The following ZIM2 variants were observed in gnomAD, a reference collection of about 807,000 sequenced individuals.
ZIM2 encodes zinc finger imprinted 2.
ZIM2 carries 14 observed loss-of-function variants against 38.6 expected under a neutral mutation model. The observed-to-expected ratio is 0.36, with a 90% confidence interval of 0.24 to 0.57. The LOEUF (loss-of-function observed/expected upper bound fraction) is 0.57, where lower values mean the gene tolerates loss of function less well. ZIM2 is among the 20% of genes least tolerant of loss of function. The pLI is 0.81. For missense variants in ZIM2, 680 were observed against 695.1 expected, an observed-to-expected ratio of 0.98 and a Z score of 0.24; for synonymous variants, 247 against 245.8, an observed-to-expected ratio of 1.00 and a Z score of -0.04.
rs756709180 is a variant in ZIM2, at chr19:56,815,806, T to C, written c.490+1940A>G. 3.1e-6 allele frequency: 5 copies of C among 1,613,634 alleles called. No homozygotes were observed. In the South Asian group the frequency reaches 5.5e-5, roughly 18 times the overall value. The stretch of plus-strand genomic sequence containing the variant: ...CTTACTGCCCCCTTCACAAGGGTTC[T>C]CTCTGGCAGGAATCTTCTGTCGCTT... On this transcript the variant is annotated intron_variant, in intron 9 of 12. Coordinates refer to ENST00000629319, the MANE Select transcript of ZIM2 (RefSeq NM_001387356.1).
chr19:56,839,421 G>C (rs1340301478), intron 1 of ZIM2, among the ~76,000 whole-genome samples: 1 of 151,382 alleles, frequency 6.6e-6, no homozygotes, highest in African/African-American at 2.4e-5. Context: ...CGTCCAAGCG[G>C]GCAGGGCCTG....
intron 7 of ZIM2, among the ~76,000 whole-genome samples, chr19:56,820,539 G>C (rs1018473358): frequency 1.3e-5 from 2 of 152,282 alleles, no homozygotes; most frequent in Admixed American, 6.5e-5. Context: ...CCTTGGTTTG[G>C]TTCCCATCCC....
At chr19:56,782,151 T>G in intron 10 of ZIM2, 30 bp from the exon 11 acceptor site, 1 of 1,607,598 alleles carries the variant, frequency 6.2e-7, no homozygotes, top group Non-Finnish European at 8.5e-7. Context: ...AGGGACGTGA[T>G]TAGAGAGGAC....
intron 7 of ZIM2, among the ~76,000 whole-genome samples, chr19:56,819,174 G>A (rs892650015): frequency 1.3e-5 from 2 of 152,070 alleles, no homozygotes; most frequent in African/African-American, 4.8e-5. Flanking sequence ...AAACAGGCAC[G>A]GAGTACTCAG....
intron 9 of ZIM2, chr19:56,810,781 T>A (rs2048091705): frequency 1.0e-6 from 1 of 978,900 alleles, no homozygotes; most frequent in African/African-American, 1.8e-5. Flanking sequence ...AGGAAACAGA[T>A]CAAGATGTTA....
At chr19:56,822,904 C>A in intron 5 of ZIM2, 68 bp from the exon 6 acceptor site, 3 of 1,557,562 alleles carry the variant, frequency 1.9e-6, no homozygotes, top group Non-Finnish European at 2.6e-6. Flanking sequence ...TGCATGTGCA[C>A]AAACACCCCT....
At chr19:56,803,218 G>A (rs912440015) in intron 9 of ZIM2, among the ~76,000 whole-genome samples, 4 of 152,164 alleles carry the variant, frequency 2.6e-5, no homozygotes, top group Non-Finnish European at 5.9e-5. Flanking sequence ...TAACTTTGAA[G>A]GTGTGTAACA....
chr19:56,811,383 ACTTTCGTGTCCTG>A (rs1375693687), intron 9 of ZIM2: 172 of 872,098 alleles, frequency 2.0e-4, no homozygotes, highest in Non-Finnish European at 2.3e-4. Context: ...GTATAAATAT[ACTTTCGTGTCCTG>A]CTTTCTCCAC....
In ZIM2 at chr19:56,775,508, A is replaced by G; in HGVS notation, c.857T>C (p.Leu286Ser). ...CTCTTGGTTGCCCTGGTGTGGTTCC[A>G]ATGGATCATCATGAGACTCTCCTGC... Reference protein sequence around the residue: ...ICQGESHDDPLEPHQGNQEKL... With the variant: ...ICQGESHDDPSEPHQGNQEKL... Residue 286 changes from leucine to serine, a missense_variant, in exon 13 of 13, where the codon TTG (leucine) becomes TCG (serine). Transcript: ENST00000629319. 1 of 1,612,448 alleles carries G rather than the reference A, an allele frequency of 6.2e-7. No individual in the cohort carries two copies. The highest frequency in any genetic ancestry group is 8.5e-7 in the Non-Finnish European group (1 of 1,179,358).
intron 10 of ZIM2, among the ~76,000 whole-genome samples, chr19:56,788,050 A>T (rs1317461514): frequency 2.0e-5 from 3 of 148,258 alleles, no homozygotes; most frequent in South Asian, 2.1e-4. Flanking sequence ...TCAAAAAACC[A>T]GCTCCTGGAG....
At chr19:56,806,899 G>T (rs1319857873) in intron 9 of ZIM2, among the ~76,000 whole-genome samples, 1 of 152,170 alleles carries the variant, frequency 6.6e-6, no homozygotes, top group Non-Finnish European at 1.5e-5. Flanking sequence ...ATATTTGCTG[G>T]CACCTTGATC....
At chr19:56,787,745 A>T (rs1600737004) in intron 10 of ZIM2, among the ~76,000 whole-genome samples, 2 of 132,594 alleles carry the variant, frequency 1.5e-5, no homozygotes, top group Admixed American at 7.9e-5. Context: ...GTAGGCTATT[A>T]ATTACTGCCT....
chr19:56,789,103 T>C (rs2046788715), intron 10 of ZIM2, among the ~76,000 whole-genome samples: 1 of 152,078 alleles, frequency 6.6e-6, no homozygotes, highest in African/African-American at 2.4e-5. Context: ...CATGCTCCTT[T>C]AGCTTGGAGG....
At chr19:56,785,258 T>C (rs1568569888) in intron 10 of ZIM2, among the ~76,000 whole-genome samples, 1 of 152,112 alleles carries the variant, frequency 6.6e-6, no homozygotes, top group Non-Finnish European at 1.5e-5. Context: ...TTATATTCCC[T>C]TGGTAGTCCC....
At chr19:56,787,217 T>C (rs781507302) in intron 10 of ZIM2, among the ~76,000 whole-genome samples, 16 of 152,348 alleles carry the variant, frequency 1.1e-4, no homozygotes, top group Non-Finnish European at 2.1e-4. Flanking sequence ...ATTGTACTTT[T>C]TGTATCATAG....
Position 56,774,553 on chromosome 19 carries a change from T to C in ZIM2, c.*135A>G. On this transcript the variant is annotated 3_prime_UTR_variant, in exon 13 of 13. Transcript: ENST00000629319. Reference sequence around the variant, plus strand: ...CTCTTCGAAAAATTGCAACTTTTTTTTTTTTTTTACCACACTTTGATGAAT... The same window carrying C: ...CTCTTCGAAAAATTGCAACTTTTTTCTTTTTTTTACCACACTTTGATGAAT... 1.4e-6 allele frequency: 2 copies of C among 1,391,528 alleles called. No homozygotes were observed. The highest frequency in any genetic ancestry group is 1.9e-6 in the Non-Finnish European group (2 of 1,052,136). 86.2% of individuals were successfully genotyped at this position (1,391,528 alleles called of 1,614,324 possible). A position where few individuals can be genotyped will look rare whatever the true frequency, so the allele number is the denominator to read the frequency against.
chr19:56,828,904 A>C (rs921077026), intron 2 of ZIM2, among the ~76,000 whole-genome samples: 2 of 152,224 alleles, frequency 1.3e-5, no homozygotes, highest in African/African-American at 4.8e-5. Flanking sequence ...TAGAGAAGCT[A>C]GCTGGTGCAG....
chr19:56,783,591 C>T (rs760159428), intron 10 of ZIM2, among the ~76,000 whole-genome samples: 7 of 152,170 alleles, frequency 4.6e-5, no homozygotes, highest in African/African-American at 1.4e-4. Flanking sequence ...CCAAATACCA[C>T]GTGTTCTCAC....
rs376586938 is a variant in ZIM2, at chr19:56,815,358, T to C, written c.490+2388A>G. The C allele has an allele frequency of 4.3e-6, 7 of 1,613,368 alleles. No homozygotes were observed. In the African/African-American group the frequency reaches 6.7e-5, roughly 15 times the overall value. Reference sequence around the variant, plus strand: ...TGAAGTCCTTACATTTGTTCCGCGCTTGCTCTTTAGCATACTGCTCTTGGG... The same window carrying C: ...TGAAGTCCTTACATTTGTTCCGCGCCTGCTCTTTAGCATACTGCTCTTGGG... On this transcript the variant is annotated intron_variant, in intron 9 of 12. Coordinates refer to ENST00000629319, the MANE Select transcript of ZIM2 (RefSeq NM_001387356.1).
Sources: allele counts gnomAD v4.1 joint callset (sites outside exome capture counted in the v4.1 genomes callset), GRCh38; gene constraint gnomAD v4.1.1; transcripts MANE v1.5; gene names NCBI Gene and HGNC (gene_info 2026-07-23, HGNC 2026-07-21).